Variants in PDGFRL observed in about 807,000 individuals in gnomAD.
PDGFRL encodes platelet-derived growth factor receptor-like protein.
PDGFRL carries 46 observed loss-of-function variants against 37.2 expected under a neutral mutation model. The ratio of observed to expected loss-of-function variants is 1.24; its 90% CI spans 0.98 to 1.58. The LOEUF (loss-of-function observed/expected upper bound fraction) is 1.58, where lower values mean the gene tolerates loss of function less well. Among genes scored for constraint, PDGFRL ranks in the 40% most tolerant of loss-of-function variants. The probability of loss-of-function intolerance (pLI) is 0.00; values close to 1 mark genes in which losing one functional copy is unlikely to be tolerated. For missense variants in PDGFRL, 692 were observed against 467.6 expected (o/e 1.48, Z -4.43); for synonymous variants, 251 against 184.3 (o/e 1.36, Z -2.93).
chr8:17,620,320 A>G (rs572668711), intron 2 of PDGFRL, among the ~76,000 whole-genome samples: 4 of 152,174 alleles, frequency 2.6e-5, no homozygotes, highest in African/African-American at 9.7e-5. Flanking sequence ...ATATGTAGCA[A>G]TGTATGGTGA....
chr8:17,621,024 T>G (rs1262757607), intron 2 of PDGFRL, 27 bp from the exon 3 acceptor site: 5 of 1,565,414 alleles, frequency 3.2e-6, no homozygotes, highest in Non-Finnish European at 4.4e-6. Flanking sequence ...CTGACTTGCT[T>G]TGAGTTCATG....
At chr8:17,590,828 T>C (rs1271761986) in intron 2 of PDGFRL, among the ~76,000 whole-genome samples, 1 of 152,102 alleles carries the variant, frequency 6.6e-6, no homozygotes, top group Non-Finnish European at 1.5e-5. Context: ...TGTGAGCAAC[T>C]TGACCAGATA....
intron 2 of PDGFRL, among the ~76,000 whole-genome samples, chr8:17,599,933 C>T (rs555205130): frequency 6.6e-6 from 1 of 152,228 alleles, no homozygotes; most frequent in South Asian, 2.1e-4. Flanking sequence ...ACATCACTTA[C>T]TGCCTCTTCA....
At position 17,599,364 on chromosome 8, in the gene PDGFRL, T is replaced by A. The variant is rs190942401; in HGVS notation, c.353+9599T>A. Reference sequence around the variant, plus strand: ...CTTACGCCTTTGTGTCCTCACAGCTTAGCTCCCACATATCGGTGAGAACTT... The same window carrying A: ...CTTACGCCTTTGTGTCCTCACAGCTAAGCTCCCACATATCGGTGAGAACTT... On this transcript the variant is annotated intron_variant, in intron 2 of 5. Transcript: ENST00000251630. Among the ~76,000 whole-genome samples the A allele has an allele frequency of 3.3e-5, 5 of 152,344 alleles. No individual in the cohort carries two copies. The East Asian group carries it at 9.7e-4, about 29-fold the overall frequency.
At chr8:17,580,851 A>G (rs1457429267) in intron 1 of PDGFRL, among the ~76,000 whole-genome samples, 1 of 152,036 alleles carries the variant, frequency 6.6e-6, no homozygotes, top group Admixed American at 6.6e-5. Context: ...TGTGGTCAGC[A>G]ACCCCTTGGC....
intron 2 of PDGFRL, among the ~76,000 whole-genome samples, chr8:17,620,717 T>C (rs1255207071): frequency 1.3e-5 from 2 of 152,194 alleles, no homozygotes; most frequent in Non-Finnish European, 1.5e-5. Context: ...AATAAAATTT[T>C]TTGAATTGTT....
At chr8:17,584,581 G>A (rs958683615) in intron 1 of PDGFRL, among the ~76,000 whole-genome samples, 1 of 152,056 alleles carries the variant, frequency 6.6e-6, no homozygotes, top group African/African-American at 2.4e-5. Context: ...AACCAAGGCA[G>A]CACAGGGTCC....
At chr8:17,600,885 G>A (rs186517015) in intron 2 of PDGFRL, among the ~76,000 whole-genome samples, 1 of 152,160 alleles carries the variant, frequency 6.6e-6, no homozygotes, top group East Asian at 1.9e-4. Context: ...GGGAGGCTCG[G>A]ATGGTAAGAT....
At chr8:17,597,778 C>T (rs904410971) in intron 2 of PDGFRL, among the ~76,000 whole-genome samples, 1 of 152,064 alleles carries the variant, frequency 6.6e-6, no homozygotes, top group African/African-American at 2.4e-5. Context: ...AAGGATGCTG[C>T]CTCAGTTTCT....
intron 2 of PDGFRL, among the ~76,000 whole-genome samples, chr8:17,604,995 T>C (rs978174208): frequency 2.0e-5 from 3 of 152,124 alleles, no homozygotes; most frequent in Non-Finnish European, 4.4e-5. Flanking sequence ...CGTGTGCCTA[T>C]AGTCGTAGCT....
chr8:17,601,868 A>G (rs1397261334), intron 2 of PDGFRL, among the ~76,000 whole-genome samples: 2 of 152,134 alleles, frequency 1.3e-5, no homozygotes, highest in Non-Finnish European at 2.9e-5. Context: ...GCAGTCTACT[A>G]TTGATGGGCA....
At chr8:17,598,357 C>T (rs182398971) in intron 2 of PDGFRL, among the ~76,000 whole-genome samples, 25 of 152,218 alleles carry the variant, frequency 1.6e-4, no homozygotes, top group Admixed American at 2.6e-4. Context: ...GATCTGTGTC[C>T]TTCTTCCCTC....
upstream of PDGFRL, chr8:17,576,551 C>A: frequency 1.2e-5 from 2 of 168,248 alleles, no homozygotes; most frequent in Non-Finnish European, 1.2e-5. Flanking sequence ...TGCTGTTCTC[C>A]TGCTCATACC....
chr8:17,599,163 T>C (rs1006175638), intron 2 of PDGFRL, among the ~76,000 whole-genome samples: 1 of 152,288 alleles, frequency 6.6e-6, no homozygotes, highest in African/African-American at 2.4e-5. Flanking sequence ...TTCCATAAAT[T>C]ATTGAGGTAC....
chr8:17,627,564 G>T (rs551834938), intron 3 of PDGFRL, among the ~76,000 whole-genome samples: 21 of 151,492 alleles, frequency 1.4e-4, no homozygotes, highest in African/African-American at 4.4e-4. Context: ...CTGCCTCCTG[G>T]GTTCAAGCAA....
chr8:17,585,063 G>T (rs185997669), intron 1 of PDGFRL, among the ~76,000 whole-genome samples: 3 of 152,124 alleles, frequency 2.0e-5, no homozygotes, highest in Non-Finnish European at 4.4e-5. Flanking sequence ...ATGACTTCCT[G>T]ATGTTACCAT....
intron 2 of PDGFRL, among the ~76,000 whole-genome samples, chr8:17,600,648 G>C (rs537538782): frequency 6.6e-6 from 1 of 150,558 alleles, no homozygotes; most frequent in African/African-American, 2.5e-5. Flanking sequence ...AAAAAAAATT[G>C]TTTTAAATTA....
At chr8:17,634,580 A>G (rs1804931989) in intron 5 of PDGFRL, among the ~76,000 whole-genome samples, 1 of 152,138 alleles carries the variant, frequency 6.6e-6, no homozygotes, top group African/African-American at 2.4e-5. Flanking sequence ...AATGCCCTTC[A>G]ATGGTAGACT....
intron 2 of PDGFRL, among the ~76,000 whole-genome samples, chr8:17,590,042 T>A (rs1051258011): frequency 6.6e-6 from 1 of 150,822 alleles, no homozygotes; most frequent in Non-Finnish European, 1.5e-5. Context: ...CTATCCTGGC[T>A]AACCCGGTGA....
Sources: allele counts gnomAD v4.1 joint callset (sites outside exome capture counted in the v4.1 genomes callset), GRCh38; gene constraint gnomAD v4.1.1; transcripts MANE v1.5; gene names NCBI Gene and HGNC (gene_info 2026-07-23, HGNC 2026-07-21).